Variants in STXBP5L observed in about 807,000 individuals in gnomAD.
STXBP5L encodes syntaxin binding protein 5L.
STXBP5L carries 65 observed loss-of-function variants against 144.5 expected under a neutral mutation model. The ratio of observed to expected loss-of-function variants is 0.45; its 90% CI spans 0.37 to 0.55. The LOEUF is 0.55. STXBP5L is among the 20% of genes least tolerant of loss of function. The pLI is 0.00. For synonymous variants in STXBP5L, 505 were observed against 469.6 expected (o/e 1.08, Z -0.97); for missense variants, 1,298 against 1,405.5 (o/e 0.92, Z 1.22).
intron 25 of STXBP5L, among the ~76,000 whole-genome samples, chr3:121,417,645 G>T (rs1445428848): frequency 6.6e-6 from 1 of 151,846 alleles, no homozygotes; most frequent in South Asian, 2.1e-4. Context: ...TTGTACTTTT[G>T]GTAGAGACAG....
At chr3:121,047,570 G>A (rs1218438697) in intron 5 of STXBP5L, among the ~76,000 whole-genome samples, 1 of 152,002 alleles carries the variant, frequency 6.6e-6, no homozygotes, top group Non-Finnish European at 1.5e-5. Context: ...GGATAGTTAG[G>A]CATTCTTGTT....
intron 7 of STXBP5L, among the ~76,000 whole-genome samples, chr3:121,130,704 T>G (rs189236223): frequency 1.3e-5 from 2 of 152,252 alleles, no homozygotes; most frequent in Non-Finnish European, 2.9e-5. Flanking sequence ...AATAGCAGTA[T>G]ACTGTATTAT....
At chr3:121,332,254 G>A (rs577272625) in intron 20 of STXBP5L, among the ~76,000 whole-genome samples, 3 of 151,706 alleles carry the variant, frequency 2.0e-5, no homozygotes, top group African/African-American at 7.2e-5. Context: ...AAACCAAGAT[G>A]AAATCTTTAA....
rs139851876 is a variant in STXBP5L, at chr3:121,283,825, A to C, written c.2110+3869A>C. On this transcript the variant is annotated intron_variant, in intron 19 of 26. Coordinates refer to ENST00000471454, the MANE Select transcript of STXBP5L (RefSeq NM_001308330.2). ...GTAAATAGTCTCAGGGTAGTTTAAT[A>C]CACATATTCAGATTTCAGAATCCCA... is the stretch of plus-strand genomic sequence containing the variant. 1.4e-3 allele frequency among the ~76,000 whole-genome samples: 218 copies of C among 152,038 alleles called. 1 individual carries two copies. Among genetic ancestry groups the C allele is most frequent in the African/African-American group, 5.1e-3 (210 of 41,510 alleles).
At chr3:121,312,532 C>A (rs2043576877) in intron 19 of STXBP5L, among the ~76,000 whole-genome samples, 3 of 120,208 alleles carry the variant, frequency 2.5e-5, no homozygotes, top group East Asian at 5.1e-4. Context: ...GGTCATAGGA[C>A]AATAGTGGAG....
At chr3:121,332,590 G>A (rs576533443) in intron 20 of STXBP5L, among the ~76,000 whole-genome samples, 7 of 151,940 alleles carry the variant, frequency 4.6e-5, no homozygotes, top group African/African-American at 1.7e-4. Context: ...TTAAAAAAAT[G>A]AACAAAGTCT....
At chr3:120,967,049 C>T (rs1939666228) in intron 3 of STXBP5L, among the ~76,000 whole-genome samples, 1 of 152,078 alleles carries the variant, frequency 6.6e-6, no homozygotes. Context: ...GCAGATCAAC[C>T]TCAGACTGCT....
intron 22 of STXBP5L, among the ~76,000 whole-genome samples, chr3:121,401,094 A>T (rs2046861837): frequency 6.6e-6 from 1 of 152,136 alleles, no homozygotes; most frequent in Non-Finnish European, 1.5e-5. Context: ...GACAGAATAA[A>T]TGAGAGCAAT....
intron 20 of STXBP5L, among the ~76,000 whole-genome samples, chr3:121,352,273 G>A (rs576877055): frequency 1.6e-4 from 24 of 152,168 alleles, no homozygotes; most frequent in African/African-American, 5.3e-4. Context: ...ATTACCTTGG[G>A]CAGTATGGCC....
At chr3:121,258,074 T>C (rs2050265760) in intron 17 of STXBP5L, among the ~76,000 whole-genome samples, 1 of 152,210 alleles carries the variant, frequency 6.6e-6, no homozygotes, top group Non-Finnish European at 1.5e-5. Context: ...GTATATTTCA[T>C]AATCTTTCTT....
intron 5 of STXBP5L, among the ~76,000 whole-genome samples, chr3:121,089,112 A>G (rs919351620): frequency 8.8e-6 from 1 of 113,518 alleles, no homozygotes; most frequent in East Asian, 2.1e-4. Context: ...AAAAAAAAAA[A>G]AAAAAAGAAG....
chr3:121,101,198 T>C (rs1358281730), intron 5 of STXBP5L, among the ~76,000 whole-genome samples: 2 of 152,108 alleles, frequency 1.3e-5, no homozygotes, highest in African/African-American at 4.8e-5. Context: ...TCTGATATTA[T>C]TCCAAAATTC....
At chr3:121,402,321 TTA>T (rs560953408) in intron 22 of STXBP5L, among the ~76,000 whole-genome samples, 84 of 152,244 alleles carry the variant, frequency 5.5e-4, no homozygotes, top group Middle Eastern at 3.4e-3. Flanking sequence ...TGAGAGACAA[TTA>T]AAGTTTAAAC....
At chr3:121,103,205 A>C (rs544692486) in intron 5 of STXBP5L, among the ~76,000 whole-genome samples, 1 of 148,448 alleles carries the variant, frequency 6.7e-6, no homozygotes, top group East Asian at 2.0e-4. Context: ...GTATATATCC[A>C]TAGAAAAATA....
At chr3:120,982,075 C>A (rs1375473014) in intron 3 of STXBP5L, among the ~76,000 whole-genome samples, 2 of 152,182 alleles carry the variant, frequency 1.3e-5, no homozygotes, top group Non-Finnish European at 2.9e-5. Flanking sequence ...TTATCTCATT[C>A]CTCAACACTG....
intron 6 of STXBP5L, among the ~76,000 whole-genome samples, chr3:121,116,645 T>A (rs2044241660): frequency 6.6e-6 from 1 of 152,080 alleles, no homozygotes; most frequent in South Asian, 2.1e-4. Flanking sequence ...TTCAAGATAA[T>A]TGGTGTGAGC....
At chr3:121,049,571 C>T (rs775945100) in intron 5 of STXBP5L, 1 of 154,468 alleles carries the variant, frequency 6.5e-6, no homozygotes, top group Non-Finnish European at 1.5e-5. Flanking sequence ...AAGCTTGTCC[C>T]AGAAAAGCAC....
At chr3:120,987,961 A>G (rs1190421048) in intron 3 of STXBP5L, among the ~76,000 whole-genome samples, 1 of 151,848 alleles carries the variant, frequency 6.6e-6, no homozygotes, top group Non-Finnish European at 1.5e-5. Flanking sequence ...TGATATTCCA[A>G]ATTTAATTTA....
At chr3:121,303,288 C>T (rs1341476902) in intron 19 of STXBP5L, among the ~76,000 whole-genome samples, 4 of 152,198 alleles carry the variant, frequency 2.6e-5, no homozygotes, top group South Asian at 2.1e-4. Context: ...TGCTCATCAT[C>T]ACTGGCCATC....
Sources: allele counts gnomAD v4.1 joint callset (sites outside exome capture counted in the v4.1 genomes callset), GRCh38; gene constraint gnomAD v4.1.1; transcripts MANE v1.5; gene names NCBI Gene and HGNC (gene_info 2026-07-23, HGNC 2026-07-21).